ARMC8: variants seen among roughly 807,000 people sequenced by gnomAD.
ARMC8 encodes armadillo repeat-containing protein 8.
In ARMC8, 20 loss-of-function variants were observed where a neutral mutation model predicts 99.3. The ratio of observed to expected loss-of-function variants is 0.20; its 90% CI spans 0.14 to 0.29. ARMC8 has a LOEUF of 0.29. ARMC8 is among the 10% of genes least tolerant of loss of function. ARMC8 has a pLI of 1.00. For missense variants in ARMC8, 569 were observed against 809.5 expected (o/e 0.70, Z 3.60); for synonymous variants, 263 against 278.3 (o/e 0.95, Z 0.55).
intron 18 of ARMC8, among the ~76,000 whole-genome samples, chr3:138,278,634 A>G (rs1454678885): frequency 6.6e-6 from 1 of 152,190 alleles, no homozygotes; most frequent in Admixed American, 6.5e-5. Flanking sequence ...TATTGTATTT[A>G]TAAATAAATT....
At chr3:138,200,577 C>G (rs898074764) in intron 1 of ARMC8, among the ~76,000 whole-genome samples, 4 of 152,118 alleles carry the variant, frequency 2.6e-5, no homozygotes, top group African/African-American at 9.7e-5. Context: ...TCCTTGCCCA[C>G]TAGATATCAG....
intron 7 of ARMC8, 48 bp from the exon 8 acceptor site, chr3:138,237,261 C>T (rs1428141197): frequency 6.6e-7 from 1 of 1,525,738 alleles, no homozygotes. Flanking sequence ...TTAAAATTTG[C>T]ATTTGCAGAA....
chr3:138,188,969 A>G (rs1028522522), intron 1 of ARMC8, among the ~76,000 whole-genome samples: 2 of 152,180 alleles, frequency 1.3e-5, no homozygotes, highest in Non-Finnish European at 2.9e-5. Context: ...TGTAATACCC[A>G]GGAATATTCT....
chr3:138,212,200 A>G (rs1417783448), intron 2 of ARMC8, among the ~76,000 whole-genome samples: 2 of 152,088 alleles, frequency 1.3e-5, no homozygotes, highest in East Asian at 3.9e-4. Context: ...AGAAATATTT[A>G]TTCTTTCTGA....
intron 12 of ARMC8, among the ~76,000 whole-genome samples, chr3:138,252,913 A>G (rs1289214922): frequency 2.0e-5 from 3 of 151,976 alleles, no homozygotes; most frequent in Non-Finnish European, 2.9e-5. Context: ...GGCATTATCA[A>G]TTGTTGACAG....
intron 6 of ARMC8, among the ~76,000 whole-genome samples, chr3:138,232,419 A>G (rs1049428362): frequency 6.6e-6 from 1 of 152,174 alleles, no homozygotes; most frequent in African/African-American, 2.4e-5. Flanking sequence ...GGGAACAATT[A>G]TATATAGAGA....
chr3:138,268,956 G>T (rs1216370273), intron 15 of ARMC8, among the ~76,000 whole-genome samples: 5 of 152,060 alleles, frequency 3.3e-5, no homozygotes, highest in Non-Finnish European at 5.9e-5. Flanking sequence ...GGTTATCTAA[G>T]ATAATATCCT....
chr3:138,280,245 C>G (rs566701462), intron 18 of ARMC8, among the ~76,000 whole-genome samples: 1 of 131,354 alleles, frequency 7.6e-6, no homozygotes, highest in Admixed American at 7.7e-5. Context: ...AGAGGTTTAG[C>G]AAAGAATCAG....
chr3:138,221,059 T>C (rs1048784607), intron 2 of ARMC8, among the ~76,000 whole-genome samples: 2 of 152,138 alleles, frequency 1.3e-5, no homozygotes, highest in African/African-American at 4.8e-5. Flanking sequence ...TTTCTCTACA[T>C]TTCCTTTTGA....
chr3:138,251,440 A>G (rs1376978082), intron 12 of ARMC8, among the ~76,000 whole-genome samples: 1 of 152,230 alleles, frequency 6.6e-6, no homozygotes. Flanking sequence ...TTTCCATGGT[A>G]CCACAGAAGT....
chr3:138,187,574 C>A lies in ARMC8; in HGVS notation c.20C>A (p.Thr7Asn). 1 of 1,535,862 alleles carries A rather than the reference C, an allele frequency of 6.5e-7. No individual in the cohort carries two copies. The highest frequency in any genetic ancestry group is 1.2e-5 in the South Asian group (1 of 84,060). Residue 7 changes from threonine to asparagine, a missense_variant, in exon 1 of 22, where the codon ACC becomes AAC. Coordinates refer to ENST00000469044, the MANE Select transcript of ARMC8 (RefSeq NM_001363941.2). MACLLE[T>N]PIRMSVLSEV... ...CTCAAGATGGCGTGCTTGTTGGAGA[C>A]CCCAATCCGCATGAGCGTCCTTTCG...
chr3:138,280,903 C>T (rs1475724964), intron 18 of ARMC8, among the ~76,000 whole-genome samples: 1 of 152,192 alleles, frequency 6.6e-6, no homozygotes, highest in Non-Finnish European at 1.5e-5. Context: ...GCTGGGATTA[C>T]AGGCATCAGC....
At chr3:138,265,606 A>G (rs2048202822) in intron 14 of ARMC8, among the ~76,000 whole-genome samples, 1 of 152,206 alleles carries the variant, frequency 6.6e-6, no homozygotes, top group South Asian at 2.1e-4. Context: ...AAGAATATAA[A>G]GTGGGCTTTG....
At chr3:138,223,956 T>G (rs1299589311) in intron 5 of ARMC8, among the ~76,000 whole-genome samples, 1 of 147,050 alleles carries the variant, frequency 6.8e-6, no homozygotes, top group East Asian at 2.0e-4. Flanking sequence ...AGACTCCATC[T>G]CTTTTTTTTT....
chr3:138,290,697 G>A (rs2108386245), intron 21 of ARMC8, 58 bp downstream of exon 21: 1 of 1,131,658 alleles, frequency 8.8e-7, no homozygotes, highest in Non-Finnish European at 1.3e-6. Context: ...TTCGTGAAAG[G>A]GTTTGAATTG....
intron 1 of ARMC8, among the ~76,000 whole-genome samples, chr3:138,207,024 G>T (rs1223497127): frequency 6.6e-6 from 1 of 152,194 alleles, no homozygotes; most frequent in African/African-American, 2.4e-5. Flanking sequence ...AGCCTTTTGT[G>T]TTTTACATCC....
chr3:138,279,650 T>TTGGAA (rs2049679047), intron 18 of ARMC8, among the ~76,000 whole-genome samples: 2 of 152,344 alleles, frequency 1.3e-5, no homozygotes, highest in Admixed American at 6.5e-5. Flanking sequence ...ATGCTACCAG[T>TTGGAA]TGGAATCATC....
At chr3:138,240,775 T>TA (rs1370938143) in intron 10 of ARMC8, among the ~76,000 whole-genome samples, 1 of 152,236 alleles carries the variant, frequency 6.6e-6, no homozygotes, top group Non-Finnish European at 1.5e-5. Context: ...TCTATAATGA[T>TA]AACATTTCAA....
intron 2 of ARMC8, among the ~76,000 whole-genome samples, chr3:138,213,051 T>C (rs2044796602): frequency 6.6e-6 from 1 of 152,212 alleles, no homozygotes; most frequent in Non-Finnish European, 1.5e-5. Context: ...GGAAGATTGC[T>C]GGAGCCTAGG....
Sources: allele counts gnomAD v4.1 joint callset (sites outside exome capture counted in the v4.1 genomes callset), GRCh38; gene constraint gnomAD v4.1.1; transcripts MANE v1.5; gene names NCBI Gene and HGNC (gene_info 2026-07-23, HGNC 2026-07-21).